Variants in ULK4 observed in about 807,000 individuals in gnomAD.
ULK4 encodes inactive serine/threonine-protein kinase ULK4.
Under a neutral mutation model 160.6 loss-of-function variants are expected in ULK4, and 133 were observed. The ratio of observed to expected loss-of-function variants is 0.83; its 90% CI spans 0.72 to 0.96. The LOEUF (loss-of-function observed/expected upper bound fraction) is 0.96, where lower values mean the gene tolerates loss of function less well. Ranked by LOEUF, ULK4 falls within the 40% of genes least tolerant of loss-of-function variation. ULK4 has a pLI of 0.00. For synonymous variants in ULK4, 534 were observed against 539.8 expected, an observed-to-expected ratio of 0.99 and a Z score of 0.15; for missense variants, 1,580 against 1,499.5, an observed-to-expected ratio of 1.05 and a Z score of -0.89.
Position 41,866,129 on chromosome 3 carries a change from A to G in ULK4, c.1656+17745T>C, listed in dbSNP as rs541800538. 3.2e-4 allele frequency among the ~76,000 whole-genome samples: 49 copies of G among 152,312 alleles called. No individual in the cohort carries two copies. In the South Asian group the frequency reaches 0.01, roughly 32 times the overall value. The stretch of plus-strand genomic sequence containing the variant: ...AAAACTCAGTAACAAAACAACTTCA[A>G]ACAATTTTAGACATGATTTCCCTCA... On this transcript the variant is annotated intron_variant, in intron 17 of 36. Transcript: ENST00000301831.
intron 32 of ULK4, among the ~76,000 whole-genome samples, chr3:41,558,056 A>G: frequency 6.6e-6 from 1 of 152,166 alleles, no homozygotes; most frequent in Non-Finnish European, 1.5e-5. Flanking sequence ...GCTTCTCAGT[A>G]TCTACAAAAC....
chr3:41,419,230 T>C (rs532199119), intron 34 of ULK4, among the ~76,000 whole-genome samples: 5 of 152,272 alleles, frequency 3.3e-5, no homozygotes, highest in African/African-American at 1.2e-4. Context: ...AAAAGCTCCA[T>C]GACAGCAGTG....
chr3:41,896,442 CA>C (rs1698160202), intron 15 of ULK4, among the ~76,000 whole-genome samples: 1 of 152,068 alleles, frequency 6.6e-6, no homozygotes, highest in African/African-American at 2.4e-5. Flanking sequence ...TTAGTAGAGA[CA>C]GGGTTTCACC....
intron 23 of ULK4, 75 bp from the exon 24 acceptor site, chr3:41,715,643 A>C (rs766283978): frequency 6.9e-6 from 11 of 1,588,010 alleles, no homozygotes; most frequent in Non-Finnish European, 8.6e-6. Flanking sequence ...CATTGCTTGA[A>C]TACCCATGGG....
chr3:41,741,257 T>C (rs2038229907), intron 22 of ULK4, among the ~76,000 whole-genome samples: 1 of 151,944 alleles, frequency 6.6e-6, no homozygotes, highest in African/African-American at 2.4e-5. Context: ...ATAACCAATT[T>C]GGTATTATTC....
At chr3:41,921,609 C>T (rs542060724) in intron 5 of ULK4, among the ~76,000 whole-genome samples, 51 of 151,414 alleles carry the variant, frequency 3.4e-4, no homozygotes, top group African/African-American at 8.6e-4. Flanking sequence ...AGCGAGACTC[C>T]GTCTCTAAAT....
intron 17 of ULK4, 65 bp from the exon 18 acceptor site, chr3:41,836,036 T>C (rs2041747204): frequency 4.3e-6 from 5 of 1,150,228 alleles, no homozygotes; most frequent in South Asian, 1.4e-5. Context: ...TAAACCTATA[T>C]GTAAAAAGCA....
At chr3:41,460,629 C>T (rs986658212) in intron 33 of ULK4, among the ~76,000 whole-genome samples, 1 of 152,126 alleles carries the variant, frequency 6.6e-6, no homozygotes, top group African/African-American at 2.4e-5. Flanking sequence ...GAACTGAGTG[C>T]TCTTCCATGC....
chr3:41,637,893 C>G (rs1352210963), intron 30 of ULK4, among the ~76,000 whole-genome samples: 1 of 152,056 alleles, frequency 6.6e-6, no homozygotes, highest in African/African-American at 2.4e-5. Flanking sequence ...GGGTTGGTTT[C>G]CTACTATTGA....
intron 22 of ULK4, among the ~76,000 whole-genome samples, chr3:41,721,278 T>TGG (rs1559507474): frequency 1.0e-5 from 1 of 100,056 alleles, no homozygotes; most frequent in African/African-American, 4.4e-5. Context: ...TTTTTTTTTT[T>TGG]TTTTTTGGGT....
chr3:41,893,382 G>C (rs1406866483), intron 16 of ULK4, among the ~76,000 whole-genome samples: 1 of 152,084 alleles, frequency 6.6e-6, no homozygotes, highest in Non-Finnish European at 1.5e-5. Context: ...TGACTGGCAA[G>C]GATAAAAGGA....
chr3:41,318,496 A>G (rs1305457688), intron 35 of ULK4, among the ~76,000 whole-genome samples: 2 of 152,212 alleles, frequency 1.3e-5, no homozygotes, highest in Non-Finnish European at 2.9e-5. Context: ...ATTAGTACTG[A>G]GAGTCAAAAT....
intron 2 of ULK4, among the ~76,000 whole-genome samples, chr3:41,944,957 A>G (rs1212123160): frequency 6.6e-6 from 1 of 152,212 alleles, no homozygotes; most frequent in Non-Finnish European, 1.5e-5. Context: ...TTTTAGTTAC[A>G]GAGAACAGAA....
intron 17 of ULK4, among the ~76,000 whole-genome samples, chr3:41,850,550 C>A (rs2042184104): frequency 6.6e-6 from 1 of 152,128 alleles, no homozygotes; most frequent in Admixed American, 6.5e-5. Context: ...ATTTGCATTT[C>A]TCTGATGGCC....
chr3:41,331,364 T>A (rs1575439589), intron 35 of ULK4, among the ~76,000 whole-genome samples: 1 of 152,218 alleles, frequency 6.6e-6, no homozygotes, highest in African/African-American at 2.4e-5. Flanking sequence ...TCTACTCCAA[T>A]TATCTAAAGC....
chr3:41,900,590 C>T (rs942135937), intron 13 of ULK4, 135 bp downstream of exon 13: 3 of 706,152 alleles, frequency 4.2e-6, no homozygotes, highest in Non-Finnish European at 6.9e-6. Flanking sequence ...TGCAGACATG[C>T]AGCACAAATG....
intron 32 of ULK4, among the ~76,000 whole-genome samples, chr3:41,562,144 G>C (rs1004617786): frequency 5.3e-5 from 8 of 152,206 alleles, no homozygotes; most frequent in Admixed American, 5.2e-4. Context: ...GGAGCAGCTT[G>C]TTCTGTTTCC....
intron 32 of ULK4, among the ~76,000 whole-genome samples, chr3:41,487,633 A>G (rs1317801902): frequency 6.6e-6 from 1 of 152,146 alleles, no homozygotes; most frequent in Non-Finnish European, 1.5e-5. Context: ...CTACCTAACC[A>G]TTAACAAAAT....
At chr3:41,418,104 C>T (rs1196932930) in intron 34 of ULK4, among the ~76,000 whole-genome samples, 1 of 152,098 alleles carries the variant, frequency 6.6e-6, no homozygotes, top group Non-Finnish European at 1.5e-5. Context: ...AGCTCCTTTG[C>T]CTTATCGCTT....
Sources: allele counts gnomAD v4.1 joint callset (sites outside exome capture counted in the v4.1 genomes callset), GRCh38; gene constraint gnomAD v4.1.1; transcripts MANE v1.5; gene names NCBI Gene and HGNC (gene_info 2026-07-23, HGNC 2026-07-21).